C16orf46: variants seen among roughly 807,000 people sequenced by gnomAD.
C16orf46 encodes chromosome 16 open reading frame 46.
C16orf46 carries 7 observed loss-of-function variants against 5.5 expected under a neutral mutation model. That is an observed-to-expected ratio of 1.28 (90% CI 0.73 to 2.40). The LOEUF (loss-of-function observed/expected upper bound fraction) is 2.40, where lower values mean the gene tolerates loss of function less well. Ranked by LOEUF, C16orf46 falls within the 30% of genes most tolerant of loss-of-function variation. C16orf46 has a pLI of 0.00. For missense variants in C16orf46, 614 were observed against 476.0 expected (o/e 1.29, Z -2.70); for synonymous variants, 200 against 184.1 (o/e 1.09, Z -0.70).
chr16:81,058,800 A>T (rs1341479282), downstream of C16orf46, among the ~76,000 whole-genome samples: 1 of 152,186 alleles, frequency 6.6e-6, no homozygotes, highest in African/African-American at 2.4e-5. Flanking sequence ...CCTATCTTAA[A>T]GGAAGAAATG....
intron 2 of C16orf46, 70 bp from the exon 3 acceptor site, chr16:81,064,063 C>G: frequency 1.2e-6 from 1 of 803,474 alleles, no homozygotes; most frequent in South Asian, 1.9e-5. Context: ...ATGCAATACT[C>G]AGGTGAAATA....
intron 1 of C16orf46, among the ~76,000 whole-genome samples, chr16:81,068,518 A>G (rs1011620833): frequency 1.3e-5 from 2 of 152,048 alleles, no homozygotes; most frequent in Non-Finnish European, 2.9e-5. Flanking sequence ...ATAGCAGAAG[A>G]AATGACTATG....
chr16:81,064,028 T>C (rs1399209232), intron 2 of C16orf46, 35 bp from the exon 3 acceptor site: 9 of 1,156,678 alleles, frequency 7.8e-6, no homozygotes, highest in Non-Finnish European at 1.1e-5. Context: ...TCGTTTTTAA[T>C]ATTAATTTTT....
Position 81,061,566 on chromosome 16 carries a change from T to G in C16orf46, c.783A>C (p.Lys261Asn). The G allele has an allele frequency of 6.2e-7, 1 of 1,614,176 alleles. No homozygotes were observed. Residue 261 changes from lysine (K) to asparagine (N), a missense_variant, in exon 4 of 4, where the codon AAA (lysine) becomes AAC (asparagine). Transcript: ENST00000299578. ...YAYGLKTADG[K>N]GEKRASELAK... ...CCAGCTCACTGGCTCTTTTTTCACC[T>G]TTCCCATCTGCTGTTTTCAAGCCAT...
At chr16:81,067,599 T>C (rs935142351) in intron 1 of C16orf46, among the ~76,000 whole-genome samples, 3 of 152,182 alleles carry the variant, frequency 2.0e-5, no homozygotes, top group Non-Finnish European at 4.4e-5. Context: ...GTTGCCCAGG[T>C]TGGAGTACAA....
rs751804744 is a variant in C16orf46, at chr16:81,061,111, A to G, written c.*50T>C. The G allele has an allele frequency of 1.3e-6, 2 of 1,525,626 alleles. No individual in the cohort carries two copies. The highest frequency in any genetic ancestry group is 2.8e-5 in the African/African-American group (2 of 71,928). The allele number at this position is 1,525,626 out of a possible 1,614,324, so 94.5% of individuals were successfully genotyped here. On this transcript the variant is annotated 3_prime_UTR_variant, in exon 4 of 4. Transcript: ENST00000299578. ...AAATGAGAGAGAAGAAAGAGAAAGG[A>G]TGGCTGCATCTCAAACGGTGCTTAT...
intron 3 of C16orf46, 140 bp from the exon 4 acceptor site, chr16:81,062,278 C>A: frequency 1.5e-6 from 1 of 676,620 alleles, no homozygotes; most frequent in Admixed American, 3.6e-5. Context: ...ACCCCTTCCC[C>A]CACTAATAAT....
intron 1 of C16orf46, among the ~76,000 whole-genome samples, chr16:81,072,627 G>A (rs375764330): frequency 3.3e-5 from 5 of 152,054 alleles, no homozygotes; most frequent in African/African-American, 2.4e-5. Context: ...CAGGTGATCC[G>A]CCAGTCTCAG....
downstream of C16orf46, among the ~76,000 whole-genome samples, chr16:81,057,600 A>C (rs1971337038): frequency 8.7e-6 from 1 of 114,482 alleles, no homozygotes; most frequent in Non-Finnish European, 1.8e-5. Flanking sequence ...GTCTTAGGTT[A>C]AAAAAAAAAA....
intron 3 of C16orf46, among the ~76,000 whole-genome samples, chr16:81,054,274 AC>A (rs375020592): frequency 0.021 from 373 of 17,820 alleles, 1 homozygote; most frequent in Non-Finnish European, 0.15. Context: ...AACAACAACA[AC>A]AACAACAAAA....
In C16orf46 at chr16:81,061,270, T is replaced by C; in HGVS notation, c.1079A>G (p.Gln360Arg). The change falls in exon 4 of 4, where the codon CAG becomes CGG. Residue 360 changes from glutamine (Q) to arginine (R), a missense_variant. Physicochemically the swap from Gln to Arg is conservative, Grantham distance 43. Transcript: ENST00000299578. ...CTCCAGCATTTGGGGCCTGTTTTCCTGCTTGGCCTTTGGGAGAACATGCTT... is the reference window on the plus strand; with the variant it reads ...CTCCAGCATTTGGGGCCTGTTTTCCCGCTTGGCCTTTGGGAGAACATGCTT... ...TRKHVLPKAK[Q>R]ENRPQMLETK... The C allele has an allele frequency of 2.5e-6, 4 of 1,614,180 alleles. No homozygotes were observed. Among genetic ancestry groups the C allele is most frequent in the Non-Finnish European group, 2.5e-6 (3 of 1,180,044 alleles).
rs1307709994 is a variant in C16orf46, at chr16:81,064,961, C to A, written c.-38-968G>T. ...CAGTCTGTCGTACATTGTCATGACG[C>A]CCCTAGCAAAGTAAAACAGTAGGTG... is the stretch of plus-strand genomic sequence containing the variant. On this transcript the variant is annotated intron_variant, in intron 2 of 3. Coordinates refer to ENST00000299578, the MANE Select transcript of C16orf46 (RefSeq NM_152337.3). Among the ~76,000 whole-genome samples the A allele has an allele frequency of 2.0e-5, 3 of 152,224 alleles. No individual in the cohort carries two copies. The East Asian group carries it at 5.8e-4, about 29-fold the overall frequency.
chr16:81,060,810 A>C, downstream of C16orf46: 3 of 253,988 alleles, frequency 1.2e-5, no homozygotes, highest in Non-Finnish European at 1.4e-5. Context: ...CATGGAGGGA[A>C]GGAGGCCCTT....
chr16:81,065,453 G>C (rs546447463), intron 2 of C16orf46, among the ~76,000 whole-genome samples: 27 of 134,980 alleles, frequency 2.0e-4, no homozygotes, highest in Non-Finnish European at 2.3e-4. Flanking sequence ...CAGCCTGGGC[G>C]ACAGAGTAAG....
Position 81,061,468 on chromosome 16 carries a change from G to C in C16orf46, c.881C>G (p.Pro294Arg). Reference protein sequence around the residue: ...PAAQISLLTDPEQRCLHWSLL... With the variant: ...PAAQISLLTDREQRCLHWSLL... The stretch of plus-strand genomic sequence containing the variant: ...GGACCAATGCAGGCAGCGCTGCTCC[G>C]GATCGGTCAGCAGGGATATCTGGGC... The change falls in exon 4 of 4, where the codon CCG becomes CGG. Residue 294 changes from proline to arginine, a missense_variant. Coordinates refer to ENST00000299578, the MANE Select transcript of C16orf46 (RefSeq NM_152337.3). 6.2e-7 allele frequency: 1 copy of C among 1,614,122 alleles called. No individual in the cohort carries two copies.
chr16:81,062,586 G>T (rs1450176395), intron 3 of C16orf46, among the ~76,000 whole-genome samples: 2 of 152,182 alleles, frequency 1.3e-5, no homozygotes, highest in African/African-American at 4.8e-5. Context: ...GGCACCGCCA[G>T]TCTCTGCTTC....
chr16:81,064,107 C>G (rs536482267), intron 2 of C16orf46, 114 bp from the exon 3 acceptor site: 21 of 594,066 alleles, frequency 3.5e-5, no homozygotes, highest in Middle Eastern at 4.7e-4. Context: ...TGGCCGGCCG[C>G]GGTGGCTCAT....
At chr16:81,054,094 G>A in exon 4 of C16orf46, 1 of 1,612,274 alleles carries the variant, frequency 6.2e-7, no homozygotes, top group Non-Finnish European at 8.5e-7. Flanking sequence ...TTTTTCCTGT[G>A]CTGTAACGAG....
exon 4 of C16orf46, chr16:81,054,027 A>C (rs751035012): frequency 1.9e-6 from 3 of 1,584,240 alleles, no homozygotes; most frequent in Non-Finnish European, 2.6e-6. Context: ...ATTACATCTC[A>C]ACCGTGTTGC....
Sources: allele counts gnomAD v4.1 joint callset (sites outside exome capture counted in the v4.1 genomes callset), GRCh38; gene constraint gnomAD v4.1.1; transcripts MANE v1.5; gene names NCBI Gene and HGNC (gene_info 2026-07-23, HGNC 2026-07-21).